Variants in UMPS observed in about 807,000 individuals in gnomAD.
The protein encoded by UMPS is uridine monophosphate synthetase, also known as uridine 5'-monophosphate synthase.
UMPS carries 21 observed loss-of-function variants against 38.9 expected under a neutral mutation model. The observed-to-expected ratio is 0.54, with a 90% CI of 0.38 to 0.78. UMPS has a LOEUF of 0.78. Ranked by LOEUF, UMPS falls within the 30% of genes least tolerant of loss-of-function variation. The pLI, the probability that UMPS is intolerant of heterozygous loss-of-function variation, is 0.00. For synonymous variants in UMPS, 208 were observed against 219.3 expected (o/e 0.95, Z 0.45); for missense variants, 533 against 591.6 (o/e 0.90, Z 1.03).
At chr3:124,736,629 G>A (rs935670674) in intron 2 of UMPS, among the ~76,000 whole-genome samples, 1 of 152,026 alleles carries the variant, frequency 6.6e-6, no homozygotes, top group Non-Finnish European at 1.5e-5. Flanking sequence ...AAAAAAAACT[G>A]TATGAATCCC....
At chr3:124,730,664 G>T in intron 1 of UMPS, 37 bp downstream of exon 1, 1 of 1,602,570 alleles carries the variant, frequency 6.2e-7, no homozygotes. Flanking sequence ...GGGCTTGGTG[G>T]CGGGAAGGAG....
rs556684234 is a variant in UMPS, at chr3:124,745,212, G to T, written c.*1128G>T. 36 of 454,100 alleles carry T rather than the reference G, an allele frequency of 7.9e-5. No homozygotes were observed. In the Admixed American group the frequency reaches 8.5e-4, roughly 11 times the overall value. The allele number at this position is 454,100 out of a possible 1,614,324, so 28.1% of individuals were successfully genotyped here. A position where few individuals can be genotyped will look rare whatever the true frequency, so the allele number is the denominator to read the frequency against. On this transcript the variant is annotated 3_prime_UTR_variant, in exon 6 of 6. Transcript: ENST00000232607. Reference sequence around the variant, plus strand: ...CATTCAAGGTGGTGTTTGAGCAGGGGCAGGGTGAGGGCTGTCCCGGTGCTC... The same window carrying T: ...CATTCAAGGTGGTGTTTGAGCAGGGTCAGGGTGAGGGCTGTCCCGGTGCTC...
At position 124,732,091 on chromosome 3, in the gene UMPS, C is replaced by T. The variant is rs535103937; in HGVS notation, c.156+1464C>T. ...TAGCTGGGACTACAAATGCCTGGTGCCACCCCCGGGCTACCTCCTGTTATT... is the reference window on the plus strand; with the variant it reads ...TAGCTGGGACTACAAATGCCTGGTGTCACCCCCGGGCTACCTCCTGTTATT... On this transcript the variant is annotated intron_variant, in intron 1 of 5. Coordinates refer to ENST00000232607, the MANE Select transcript of UMPS (RefSeq NM_000373.4). Among the ~76,000 whole-genome samples the T allele has an allele frequency of 3.1e-3, 479 of 152,256 alleles. 3 individuals carry two copies. The highest frequency in any genetic ancestry group is 0.011 in the African/African-American group (446 of 41,568).
chr3:124,740,657 T>A (rs561274687), intron 4 of UMPS, among the ~76,000 whole-genome samples: 5 of 152,210 alleles, frequency 3.3e-5, no homozygotes, highest in Admixed American at 6.6e-5. Context: ...AATATTACTT[T>A]AAAAAAATTG....
chr3:124,745,184 C>T lies in UMPS; in HGVS notation c.*1100C>T, dbSNP rs756033821. On this transcript the variant is annotated 3_prime_UTR_variant, in exon 6 of 6. Coordinates refer to ENST00000232607, the MANE Select transcript of UMPS (RefSeq NM_000373.4). ...CCTTCATTAATAATAAAGAGAAAGC[C>T]CACATTCAAGGTGGTGTTTGAGCAG... The T allele has an allele frequency of 5.5e-5, 25 of 453,896 alleles. No homozygotes were observed. The Middle Eastern group carries it at 3.4e-3, about 62-fold the overall frequency. 28.1% of individuals were successfully genotyped at this position (453,896 alleles called of 1,614,324 possible).
rs2150896906 is a variant in UMPS, at chr3:124,737,948, G to A, written c.691G>A (p.Ala231Thr). ...APKELSFGARAELPRIHPVAS... is the reference protein window; with the variant it reads ...APKELSFGARTELPRIHPVAS... ...CAAAGAACTCAGCTTCGGTGCACGT[G>A]CAGAGCTGCCCAGGATCCACCCAGT... The change falls in exon 3 of 6, where the codon GCA becomes ACA. Residue 231 changes from alanine (A) to threonine (T), a missense_variant. Ala to Thr is a moderately conservative substitution (Grantham distance 58). Transcript: ENST00000232607. The A allele has an allele frequency of 6.2e-7, 1 of 1,614,224 alleles. No homozygotes were observed. Among genetic ancestry groups the A allele is most frequent in the Non-Finnish European group, 8.5e-7 (1 of 1,180,034 alleles).
intron 3 of UMPS, 38 bp from the exon 4 acceptor site, chr3:124,739,986 G>GA (rs1245547872): frequency 7.5e-6 from 12 of 1,610,288 alleles, no homozygotes; most frequent in African/African-American, 1.3e-5. Context: ...GGTTTTGTTT[G>GA]AAAATCAGCA....
At position 124,744,754 on chromosome 3, in the gene UMPS, C is replaced by G; in HGVS notation, c.*670C>G. On this transcript the variant is annotated 3_prime_UTR_variant, in exon 6 of 6. Coordinates refer to ENST00000232607, the MANE Select transcript of UMPS (RefSeq NM_000373.4). Reference sequence around the variant, plus strand: ...TTCTAGGGCACCAAGAGGCTAAAGTCAGCACAGCTTTTCTTGTGTCCTGTA... The same window carrying G: ...TTCTAGGGCACCAAGAGGCTAAAGTGAGCACAGCTTTTCTTGTGTCCTGTA... The G allele has an allele frequency of 2.2e-6, 1 of 454,052 alleles. No individual in the cohort carries two copies. 28.1% of individuals were successfully genotyped at this position (454,052 alleles called of 1,614,324 possible). A position where few individuals can be genotyped will look rare whatever the true frequency, so the allele number is the denominator to read the frequency against.
intron 1 of UMPS, among the ~76,000 whole-genome samples, chr3:124,732,175 TTGTAACTAC>T (rs1301914763): frequency 6.6e-6 from 1 of 152,198 alleles, no homozygotes; most frequent in Non-Finnish European, 1.5e-5. Flanking sequence ...AAAAATCCAC[TTGTAACTAC>T]TGTAATCGAA....
rs755150997 is a variant in UMPS at position 124,744,194 on chromosome 3, C to T, written c.*110C>T. ...AATTATTCCTGCTTGGATTCTTCCA[C>T]AGGGCCTGTGTAAGAATGGGTTCTG... On this transcript the variant is annotated 3_prime_UTR_variant, in exon 6 of 6. Transcript: ENST00000232607. The T allele has an allele frequency of 3.0e-6, 4 of 1,346,712 alleles. No homozygotes were observed. The Admixed American group carries it at 5.6e-5, about 19-fold the overall frequency. 83.4% of individuals were successfully genotyped at this position (1,346,712 alleles called of 1,614,324 possible).
At chr3:124,732,709 C>T (rs765589579) in intron 1 of UMPS, among the ~76,000 whole-genome samples, 13 of 152,154 alleles carry the variant, frequency 8.5e-5, no homozygotes, top group Non-Finnish European at 1.6e-4. Context: ...ATCAAGAAGA[C>T]ATATAAGTTT....
chr3:124,734,183 TG>T (rs1408860006), intron 1 of UMPS, among the ~76,000 whole-genome samples: 41 of 152,292 alleles, frequency 2.7e-4, no homozygotes, highest in African/African-American at 8.9e-4. Flanking sequence ...TTTTTTTGTT[TG>T]TTTTTTTACT....
rs1443365922 is a variant in UMPS at position 124,744,315 on chromosome 3, GTGTT to G, written c.*236_*239del. The G allele has an allele frequency of 3.4e-6, 2 of 594,740 alleles. No homozygotes were observed. Among genetic ancestry groups the G allele is most frequent in the East Asian group, 7.6e-5 (2 of 26,450 alleles). 36.8% of individuals were successfully genotyped at this position (594,740 alleles called of 1,614,324 possible). On this transcript the variant is annotated 3_prime_UTR_variant, in exon 6 of 6. Coordinates refer to ENST00000232607, the MANE Select transcript of UMPS (RefSeq NM_000373.4). Reference sequence around the variant, plus strand: ...CTTAAGCTTGCTTTTTTTGAGACTGGTGTTTGTTAGACAGCCACAGTCCTGTCTG... The same window carrying G: ...CTTAAGCTTGCTTTTTTTGAGACTGGTGTTAGACAGCCACAGTCCTGTCTG...
Position 124,747,178 on chromosome 3 carries a change from CCA to C in UMPS, c.*3097_*3098del, listed in dbSNP as rs1183724228. On this transcript the variant is annotated 3_prime_UTR_variant, in exon 6 of 6. Coordinates refer to ENST00000232607, the MANE Select transcript of UMPS (RefSeq NM_000373.4). ...TGGCTGGAACTACAGGCGTGCACCACCACAGCTGGTTAATTTTTAAAATTTTT... is the reference window on the plus strand; with the variant it reads ...TGGCTGGAACTACAGGCGTGCACCACCAGCTGGTTAATTTTTAAAATTTTT... 1 of 453,654 alleles carries C rather than the reference CCA, an allele frequency of 2.2e-6. No homozygotes were observed. Among genetic ancestry groups the C allele is most frequent in the African/African-American group, 2.0e-5 (1 of 49,972 alleles). The allele number at this position is 453,654 out of a possible 1,614,324, so 28.1% of individuals were successfully genotyped here.
intron 2 of UMPS, among the ~76,000 whole-genome samples, chr3:124,735,504 AC>A (rs749151110): frequency 3.1e-4 from 46 of 150,246 alleles, no homozygotes; most frequent in Non-Finnish European, 5.0e-4. Flanking sequence ...TTTTTTTTTT[AC>A]CAGCCCTTCC....
rs760450797 is a variant in UMPS at position 124,744,840 on chromosome 3, G to T, written c.*756G>T. The T allele has an allele frequency of 3.5e-5, 16 of 453,920 alleles. No individual in the cohort carries two copies. The highest frequency in any genetic ancestry group is 5.7e-5 in the Non-Finnish European group (13 of 226,804). 28.1% of individuals were successfully genotyped at this position (453,920 alleles called of 1,614,324 possible). A position where few individuals can be genotyped will look rare whatever the true frequency, so the allele number is the denominator to read the frequency against. On this transcript the variant is annotated 3_prime_UTR_variant, in exon 6 of 6. Transcript: ENST00000232607. ...TTGTTAGCCATTCCCCTCCATCTCTGGCCTAAAAGTGATAGTCCAGGTATC... is the reference window on the plus strand; with the variant it reads ...TTGTTAGCCATTCCCCTCCATCTCTTGCCTAAAAGTGATAGTCCAGGTATC...
intron 1 of UMPS, among the ~76,000 whole-genome samples, chr3:124,731,065 A>G (rs1466640328): frequency 6.6e-6 from 1 of 152,090 alleles, no homozygotes; most frequent in African/African-American, 2.4e-5. Context: ...CCCCGTCTCT[A>G]CAAAAAATTA....
chr3:124,743,872 A>C (rs2063576075), intron 5 of UMPS, 43 bp from the exon 6 acceptor site: 3 of 1,611,942 alleles, frequency 1.9e-6, no homozygotes. Context: ...AGGTTTTCTG[A>C]TTTTTGTATT....
chr3:124,748,610 G>C lies in UMPS; in HGVS notation c.*4526G>C, dbSNP rs1296666095. The C allele has an allele frequency of 2.2e-6, 1 of 453,980 alleles. No individual in the cohort carries two copies. Among genetic ancestry groups the C allele is most frequent in the Non-Finnish European group, 4.4e-6 (1 of 226,788 alleles). The allele number at this position is 453,980 out of a possible 1,614,324, so 28.1% of individuals were successfully genotyped here. A position where few individuals can be genotyped will look rare whatever the true frequency, so the allele number is the denominator to read the frequency against. ...ATCCTGGTGTGGGCTCTCACGTGCTGCTGCTGAATCCCAGGGAAGGAGGGA... is the reference window on the plus strand; with the variant it reads ...ATCCTGGTGTGGGCTCTCACGTGCTCCTGCTGAATCCCAGGGAAGGAGGGA... On this transcript the variant is annotated 3_prime_UTR_variant, in exon 6 of 6. Transcript: ENST00000232607.
Sources: allele counts gnomAD v4.1 joint callset (sites outside exome capture counted in the v4.1 genomes callset), GRCh38; gene constraint gnomAD v4.1.1; transcripts MANE v1.5; gene names NCBI Gene and HGNC (gene_info 2026-07-23, HGNC 2026-07-21).